The following ADGRL3 variants were observed in gnomAD, a reference collection of about 807,000 sequenced individuals.
The protein encoded by ADGRL3 is calcium-independent alpha-latrotoxin receptor 3.
Under a neutral mutation model 153.5 loss-of-function variants are expected in ADGRL3, and 62 were observed. The ratio of observed to expected loss-of-function variants is 0.40; its 90% confidence interval spans 0.33 to 0.50. The LOEUF (loss-of-function observed/expected upper bound fraction) is 0.50, where lower values mean the gene tolerates loss of function less well. ADGRL3 is among the 20% of genes least tolerant of loss of function. The pLI is 0.47. For missense variants in ADGRL3, 1,641 were observed against 1,859.4 expected, an observed-to-expected ratio of 0.88 and a Z score of 2.16; for synonymous variants, 710 against 672.5, an observed-to-expected ratio of 1.06 and a Z score of -0.86.
chr4:61,451,287 A>G (rs1370216226), intron 2 of ADGRL3, among the ~76,000 whole-genome samples: 1 of 152,150 alleles, frequency 6.6e-6, no homozygotes, highest in Non-Finnish European at 1.5e-5. Flanking sequence ...TTTATACCAC[A>G]TAACTGATAA....
intron 4 of ADGRL3, among the ~76,000 whole-genome samples, chr4:61,584,835 G>T (rs2098939895): frequency 6.6e-6 from 1 of 151,752 alleles, no homozygotes; most frequent in Non-Finnish European, 1.5e-5. Context: ...TTAATTCAAT[G>T]ATTCTATTAT....
intron 21 of ADGRL3, among the ~76,000 whole-genome samples, chr4:62,024,321 A>G (rs1373657877): frequency 1.3e-5 from 2 of 152,098 alleles, no homozygotes; most frequent in African/African-American, 4.8e-5. Flanking sequence ...ATTGAGTCAT[A>G]GGGATAAAAT....
intron 6 of ADGRL3, among the ~76,000 whole-genome samples, chr4:61,703,812 T>A (rs2095809391): frequency 6.6e-6 from 1 of 152,172 alleles, no homozygotes; most frequent in South Asian, 2.1e-4. Flanking sequence ...TCTTTATATG[T>A]TCCTTCTGTT....
At chr4:61,912,176 C>T (rs1447785487) in intron 12 of ADGRL3, among the ~76,000 whole-genome samples, 2 of 152,056 alleles carry the variant, frequency 1.3e-5, no homozygotes, top group Non-Finnish European at 2.9e-5. Flanking sequence ...CTAGTATGTG[C>T]CCATTAGAAT....
intron 1 of ADGRL3, among the ~76,000 whole-genome samples, chr4:61,299,158 C>T (rs999193248): frequency 6.6e-6 from 1 of 151,918 alleles, no homozygotes; most frequent in Non-Finnish European, 1.5e-5. Flanking sequence ...TCCCCATCTT[C>T]CCCCCCTTTT....
At chr4:61,429,159 ATTGT>A (rs1297595398) in intron 2 of ADGRL3, among the ~76,000 whole-genome samples, 1 of 152,188 alleles carries the variant, frequency 6.6e-6, no homozygotes, top group Non-Finnish European at 1.5e-5. Flanking sequence ...CAATCACAGT[ATTGT>A]TTGAGAACAT....
chr4:61,396,151 A>T (rs114178199), intron 2 of ADGRL3, among the ~76,000 whole-genome samples: 1 of 151,958 alleles, frequency 6.6e-6, no homozygotes, highest in African/African-American at 2.4e-5. Flanking sequence ...TGCTTGACAG[A>T]TTTCCCGTAC....
intron 8 of ADGRL3, among the ~76,000 whole-genome samples, chr4:61,777,382 C>G (rs2097165429): frequency 6.6e-6 from 1 of 152,004 alleles, no homozygotes; most frequent in Admixed American, 6.6e-5. Context: ...TAATTACTCA[C>G]TATATACCTT....
chr4:61,805,044 C>G (rs946283600), intron 8 of ADGRL3, among the ~76,000 whole-genome samples: 1 of 151,814 alleles, frequency 6.6e-6, no homozygotes, highest in Admixed American at 6.6e-5. Context: ...CAACCTCCAC[C>G]TCCCGGATTC....
intron 8 of ADGRL3, among the ~76,000 whole-genome samples, chr4:61,800,901 C>T (rs1580889880): frequency 6.6e-6 from 1 of 152,214 alleles, no homozygotes; most frequent in East Asian, 1.9e-4. Flanking sequence ...CACTTTATAG[C>T]AGATAGGACA....
intron 25 of ADGRL3, 107 bp from the exon 26 acceptor site, chr4:62,068,059 C>T: frequency 1.6e-6 from 1 of 640,920 alleles, no homozygotes; most frequent in Non-Finnish European, 2.6e-6. Context: ...TTTCCTTTGA[C>T]TCTTTTTTCT....
chr4:61,390,428 G>T (rs2096789369), intron 2 of ADGRL3, among the ~76,000 whole-genome samples: 1 of 152,094 alleles, frequency 6.6e-6, no homozygotes, highest in South Asian at 2.1e-4. Flanking sequence ...AATAGAATGA[G>T]GTCTGTTCTG....
At chr4:61,431,612 G>T (rs1422426148) in intron 2 of ADGRL3, among the ~76,000 whole-genome samples, 2 of 152,128 alleles carry the variant, frequency 1.3e-5, no homozygotes, top group Non-Finnish European at 2.9e-5. Context: ...AAAATGACTG[G>T]AATGTAACAA....
chr4:62,007,447 CATATATAT>C (rs539213045), intron 21 of ADGRL3, among the ~76,000 whole-genome samples: 1 of 125,270 alleles, frequency 8.0e-6, no homozygotes, highest in Non-Finnish European at 1.6e-5. Flanking sequence ...TATACACACA[CATATATAT>C]ACATATATGT....
chr4:61,863,300 G>C (rs2098365298), intron 9 of ADGRL3, among the ~76,000 whole-genome samples: 1 of 145,666 alleles, frequency 6.9e-6, no homozygotes, highest in Admixed American at 6.9e-5. Flanking sequence ...TGCAGTGGCG[G>C]GATCTCGGCT....
chr4:61,710,650 A>T (rs2095957216), intron 6 of ADGRL3, among the ~76,000 whole-genome samples: 1 of 152,182 alleles, frequency 6.6e-6, no homozygotes, highest in Admixed American at 6.5e-5. Context: ...GTACATGTTT[A>T]TTTAAACACA....
At position 61,251,026 on chromosome 4, in the gene ADGRL3, T is replaced by C. The variant is rs151058864; in HGVS notation, c.-240+49261T>C. 9.2e-5 allele frequency among the ~76,000 whole-genome samples: 14 copies of C among 152,274 alleles called. No homozygotes were observed. The East Asian group carries it at 2.7e-3, about 29-fold the overall frequency. The stretch of plus-strand genomic sequence containing the variant: ...TAATTTAACTAGAGTGATAGTCCAT[T>C]TATATGTTGCTGTATAAAAAACTTC... On this transcript the variant is annotated intron_variant, in intron 1 of 26. Transcript: ENST00000683033.
chr4:61,884,896 A>C (rs1257087823), intron 9 of ADGRL3, among the ~76,000 whole-genome samples: 1 of 149,084 alleles, frequency 6.7e-6, no homozygotes, highest in Non-Finnish European at 1.5e-5. Flanking sequence ...AAGTGCTGGG[A>C]TTATAGGTGT....
intron 5 of ADGRL3, among the ~76,000 whole-genome samples, chr4:61,608,672 T>G (rs772079479): frequency 1.3e-5 from 2 of 152,214 alleles, no homozygotes; most frequent in Non-Finnish European, 2.9e-5. Flanking sequence ...GAATTTTGTT[T>G]TCTAAATATG....
Sources: gnomAD v4.1 joint callset for allele counts (sites outside exome capture counted in the v4.1 genomes callset) on GRCh38, gnomAD v4.1.1 for gene constraint, MANE v1.5 for transcripts, NCBI Gene and HGNC (gene_info 2026-07-23, HGNC 2026-07-21) for gene names.